The following EPHA6 variants were observed in gnomAD, a reference collection of about 807,000 sequenced individuals.
EPHA6 encodes EPH receptor A6.
EPHA6 carries 50 observed loss-of-function variants against 112.0 expected under a neutral mutation model. The observed-to-expected ratio is 0.45, with a 90% confidence interval of 0.36 to 0.56. EPHA6 has a LOEUF of 0.56. EPHA6 is among the 20% of genes least tolerant of loss of function. The pLI is 0.00. For synonymous variants in EPHA6, 529 were observed against 490.7 expected (o/e 1.08, Z -1.03); for missense variants, 1,280 against 1,417.4 (o/e 0.90, Z 1.56).
At chr3:97,605,123 T>C (rs2093671038) in intron 12 of EPHA6, among the ~76,000 whole-genome samples, 1 of 151,556 alleles carries the variant, frequency 6.6e-6, no homozygotes, top group African/African-American at 2.4e-5. Flanking sequence ...CTGTCAAGAC[T>C]TCCTAAAACA....
intron 10 of EPHA6, among the ~76,000 whole-genome samples, chr3:97,496,415 A>G (rs960408649): frequency 3.3e-5 from 5 of 152,124 alleles, no homozygotes; most frequent in Admixed American, 6.6e-5. Context: ...ACATATGTCT[A>G]TTTTACAGAT....
intron 14 of EPHA6, among the ~76,000 whole-genome samples, chr3:97,652,482 T>C (rs551266593): frequency 6.6e-6 from 1 of 152,210 alleles, no homozygotes; most frequent in South Asian, 2.1e-4. Context: ...GTTATAGTTA[T>C]ACCACTATCC....
At chr3:97,128,892 G>C (rs938606989) in intron 3 of EPHA6, among the ~76,000 whole-genome samples, 2 of 36,218 alleles carry the variant, frequency 5.5e-5, no homozygotes, top group African/African-American at 1.0e-4. Flanking sequence ...TTTTTTTTTT[G>C]AGACAAGGTC....
At chr3:97,370,156 G>A (rs780931201) in intron 5 of EPHA6, among the ~76,000 whole-genome samples, 95 of 152,100 alleles carry the variant, frequency 6.2e-4, no homozygotes, top group Non-Finnish European at 9.6e-4. Flanking sequence ...TACTACTTGT[G>A]ATAACTGAAT....
chr3:97,037,008 C>A (rs1430068296), intron 3 of EPHA6, among the ~76,000 whole-genome samples: 1 of 151,802 alleles, frequency 6.6e-6, no homozygotes, highest in Non-Finnish European at 1.5e-5. Flanking sequence ...AGGTCAGACC[C>A]CTTCCTTTTT....
chr3:97,215,571 A>G (rs2078010267), intron 3 of EPHA6, among the ~76,000 whole-genome samples: 1 of 151,534 alleles, frequency 6.6e-6, no homozygotes, highest in African/African-American at 2.4e-5. Context: ...AGATCATGTC[A>G]CTGCACTTCA....
intron 4 of EPHA6, among the ~76,000 whole-genome samples, chr3:97,226,689 T>TA (rs1396244730): frequency 5.3e-5 from 8 of 152,216 alleles, no homozygotes; most frequent in Non-Finnish European, 1.0e-4. Context: ...TCCTTATCCA[T>TA]AATCTGTCCT....
intron 5 of EPHA6, among the ~76,000 whole-genome samples, chr3:97,372,601 T>C (rs1362537245): frequency 6.6e-6 from 1 of 152,170 alleles, no homozygotes; most frequent in Non-Finnish European, 1.5e-5. Flanking sequence ...TAAAATATTA[T>C]ACAGCAGTTA....
intron 6 of EPHA6, among the ~76,000 whole-genome samples, chr3:97,418,232 T>C (rs1018271427): frequency 6.6e-6 from 1 of 151,602 alleles, no homozygotes; most frequent in African/African-American, 2.4e-5. Flanking sequence ...TAAATGATAC[T>C]AATAATTACT....
At chr3:97,154,609 T>C (rs2076247366) in intron 3 of EPHA6, among the ~76,000 whole-genome samples, 1 of 152,188 alleles carries the variant, frequency 6.6e-6, no homozygotes, top group Non-Finnish European at 1.5e-5. Context: ...TTGTACCCTT[T>C]GTCCAGCATT....
intron 3 of EPHA6, among the ~76,000 whole-genome samples, chr3:96,989,777 G>A (rs1176517907): frequency 6.6e-6 from 1 of 152,046 alleles, no homozygotes; most frequent in African/African-American, 2.4e-5. Flanking sequence ...GATCTCATGA[G>A]AACTCACTAT....
At chr3:97,267,636 G>T (rs2079731654) in intron 5 of EPHA6, among the ~76,000 whole-genome samples, 1 of 152,026 alleles carries the variant, frequency 6.6e-6, no homozygotes, top group Non-Finnish European at 1.5e-5. Flanking sequence ...AGCCTGGGAA[G>T]TTTTGTTCTT....
At chr3:97,124,225 T>A (rs1559742753) in intron 3 of EPHA6, among the ~76,000 whole-genome samples, 1 of 151,994 alleles carries the variant, frequency 6.6e-6, no homozygotes, top group Non-Finnish European at 1.5e-5. Context: ...CAAATAACAT[T>A]TAATGCCAAC....
At chr3:97,555,701 G>A (rs1553812030) in intron 11 of EPHA6, among the ~76,000 whole-genome samples, 12 of 152,054 alleles carry the variant, frequency 7.9e-5, no homozygotes, top group Non-Finnish European at 4.4e-5. Context: ...TTTTTCATGT[G>A]TTTTTTGGCT....
intron 5 of EPHA6, among the ~76,000 whole-genome samples, chr3:97,328,433 TCTC>T (rs1359334522): frequency 2.0e-5 from 3 of 152,056 alleles, no homozygotes; most frequent in African/African-American, 7.2e-5. Context: ...TAATTTGCAT[TCTC>T]CTCATGGTTA....
chr3:96,997,262 C>G (rs1193881942), intron 3 of EPHA6, among the ~76,000 whole-genome samples: 1 of 152,032 alleles, frequency 6.6e-6, no homozygotes, highest in Admixed American at 6.6e-5. Flanking sequence ...GGCTGCTTTG[C>G]TTTGTTATTC....
intron 3 of EPHA6, among the ~76,000 whole-genome samples, chr3:97,070,350 A>G (rs1258485413): frequency 6.6e-6 from 1 of 152,150 alleles, no homozygotes; most frequent in South Asian, 2.1e-4. Context: ...TGTATTTTAT[A>G]GTTGGAAATT....
intron 10 of EPHA6, among the ~76,000 whole-genome samples, chr3:97,515,579 T>G (rs1560090030): frequency 6.6e-6 from 1 of 152,216 alleles, no homozygotes; most frequent in Non-Finnish European, 1.5e-5. Flanking sequence ...GCTCTTTCAA[T>G]GTACCTCAAG....
At chr3:97,136,263 AC>A (rs1379313930) in intron 3 of EPHA6, among the ~76,000 whole-genome samples, 1 of 152,228 alleles carries the variant, frequency 6.6e-6, no homozygotes, top group Non-Finnish European at 1.5e-5. Flanking sequence ...AGGTGCTAAT[AC>A]CTTAGATATT....
Sources: allele counts gnomAD v4.1 joint callset (sites outside exome capture counted in the v4.1 genomes callset), GRCh38; gene constraint gnomAD v4.1.1; transcripts MANE v1.5; gene names NCBI Gene and HGNC (gene_info 2026-07-23, HGNC 2026-07-21).